The following ALPK2 variants were observed in gnomAD, a reference collection of about 807,000 sequenced individuals.
ALPK2 encodes alpha kinase 2.
Under a neutral mutation model 163.1 loss-of-function variants are expected in ALPK2, and 127 were observed. That is an observed-to-expected ratio of 0.78 (90% CI 0.67 to 0.90). The LOEUF (loss-of-function observed/expected upper bound fraction) is 0.90, where lower values mean the gene tolerates loss of function less well. Ranked by LOEUF, ALPK2 falls within the 40% of genes least tolerant of loss-of-function variation. The pLI, the probability that ALPK2 is intolerant of heterozygous loss-of-function variation, is 0.00. For synonymous variants in ALPK2, 953 were observed against 959.1 expected (o/e 0.99, Z 0.12); for missense variants, 2,360 against 2,589.6 (o/e 0.91, Z 1.92).
chr18:58,508,183 CCCTATTT>C (rs990995195), intron 10 of ALPK2, among the ~76,000 whole-genome samples: 1 of 152,142 alleles, frequency 6.6e-6, no homozygotes, highest in Non-Finnish European at 1.5e-5. Context: ...AATAAACAAT[CCCTATTT>C]CCTAGCCCCC....
intron 3 of ALPK2, among the ~76,000 whole-genome samples, chr18:58,596,989 T>G (rs1053203044): frequency 6.7e-6 from 1 of 149,900 alleles, no homozygotes; most frequent in Non-Finnish European, 1.5e-5. Flanking sequence ...CCAAGCTAAT[T>G]AAAAAAAAAC....
chr18:58,483,958 TGG>T (rs2051325280), intron 12 of ALPK2, among the ~76,000 whole-genome samples: 1 of 152,106 alleles, frequency 6.6e-6, no homozygotes, highest in East Asian at 1.9e-4. Context: ...CTCCTCTTTG[TGG>T]CACGGTCACA....
In ALPK2 at chr18:58,578,733, G is replaced by C. The variant is rs867212354; in HGVS notation, c.1962+81C>G. ...ATTGTGAATGTGAAGTAAAGGAAGAGACACACACACACACACACACACACA... is the reference window on the plus strand; with the variant it reads ...ATTGTGAATGTGAAGTAAAGGAAGACACACACACACACACACACACACACA... On this transcript the variant is annotated intron_variant, in intron 4 of 12. Coordinates refer to ENST00000361673, the MANE Select transcript of ALPK2 (RefSeq NM_052947.4). 5.1e-3 allele frequency: 2,713 copies of C among 533,316 alleles called. 62 individuals carry two copies. The highest frequency in any genetic ancestry group is 0.034 in the African/African-American group (1,512 of 44,976). 33.0% of individuals were successfully genotyped at this position (533,316 alleles called of 1,614,324 possible).
At chr18:58,568,542 T>C (rs548793785) in intron 4 of ALPK2, among the ~76,000 whole-genome samples, 2 of 152,266 alleles carry the variant, frequency 1.3e-5, no homozygotes, top group South Asian at 4.1e-4. Flanking sequence ...CTACCCTCGA[T>C]CTATTGAAAT....
intron 1 of ALPK2, among the ~76,000 whole-genome samples, chr18:58,624,748 C>T (rs984321086): frequency 2.6e-5 from 4 of 152,226 alleles, no homozygotes; most frequent in African/African-American, 7.2e-5. Context: ...AGCCACCAAG[C>T]CCAGCCAAGT....
intron 1 of ALPK2, among the ~76,000 whole-genome samples, chr18:58,612,867 C>T (rs772525474): frequency 4.6e-5 from 7 of 152,160 alleles, no homozygotes; most frequent in African/African-American, 9.7e-5. Context: ...CAATGGCAGG[C>T]GGTTCTCCCA....
rs546857157 is a variant in ALPK2 at position 58,626,894 on chromosome 18, AAGAC to A, written c.-21+1866_-21+1869del. ...TTCTAAAGTTTTAGCAAAAAAAAAA[AAGAC>A]AGAAGCTTTTAATTAAGGTGAAAAA... On this transcript the variant is annotated intron_variant, in intron 1 of 12. Transcript: ENST00000361673. 3.8e-3 allele frequency among the ~76,000 whole-genome samples: 573 copies of A among 152,138 alleles called. 4 individuals are homozygous for A. The highest frequency in any genetic ancestry group is 0.013 in the African/African-American group (545 of 41,544).
At chr18:58,542,501 T>C (rs1304320043) in intron 4 of ALPK2, among the ~76,000 whole-genome samples, 1 of 152,212 alleles carries the variant, frequency 6.6e-6, no homozygotes, top group Non-Finnish European at 1.5e-5. Context: ...ATGAATAGCC[T>C]AGGTCCAATC....
chr18:58,596,510 G>A (rs2052042141), intron 3 of ALPK2, among the ~76,000 whole-genome samples: 1 of 152,228 alleles, frequency 6.6e-6, no homozygotes, highest in South Asian at 2.1e-4. Context: ...GCAGGGAATG[G>A]GAAGTGACAA....
At chr18:58,548,458 T>A (rs2051731733) in intron 4 of ALPK2, among the ~76,000 whole-genome samples, 1 of 152,086 alleles carries the variant, frequency 6.6e-6, no homozygotes, top group Admixed American at 6.5e-5. Flanking sequence ...GTAGCTGGAC[T>A]TACAAGCGAG....
intron 11 of ALPK2, among the ~76,000 whole-genome samples, chr18:58,502,593 A>G (rs1362673155): frequency 2.0e-5 from 3 of 152,210 alleles, no homozygotes; most frequent in African/African-American, 7.2e-5. Flanking sequence ...TGAGATCCTC[A>G]TCTGGGACAA....
At chr18:58,488,138 G>A (rs913576112) in intron 12 of ALPK2, among the ~76,000 whole-genome samples, 13 of 152,004 alleles carry the variant, frequency 8.6e-5, no homozygotes, top group African/African-American at 3.1e-4. Context: ...ATTTGACTTT[G>A]GAAATGCCTT....
At chr18:58,621,420 C>T (rs544589064) in intron 1 of ALPK2, among the ~76,000 whole-genome samples, 2 of 152,050 alleles carry the variant, frequency 1.3e-5, no homozygotes, top group South Asian at 2.1e-4. Flanking sequence ...TACAGGCGCC[C>T]GCCACAATGC....
intron 11 of ALPK2, 91 bp downstream of exon 11, chr18:58,503,840 T>C (rs750501977): frequency 5.4e-5 from 67 of 1,243,930 alleles, no homozygotes; most frequent in Non-Finnish European, 5.8e-5. Context: ...CCAGCAGGCC[T>C]ATCCTTCCTC....
intron 12 of ALPK2, among the ~76,000 whole-genome samples, chr18:58,490,486 C>T (rs1472574231): frequency 7.2e-5 from 11 of 152,106 alleles, no homozygotes; most frequent in Admixed American, 7.2e-4. Flanking sequence ...TCCAGCCCCT[C>T]CCCTTGGTTC....
chr18:58,593,273 A>T (rs926883313), intron 3 of ALPK2, among the ~76,000 whole-genome samples: 23 of 152,236 alleles, frequency 1.5e-4, no homozygotes, highest in Non-Finnish European at 2.5e-4. Flanking sequence ...CTATTTAAAA[A>T]GAAAAAAAGG....
At chr18:58,528,816 C>G (rs867430444) in intron 6 of ALPK2, 9 of 415,712 alleles carry the variant, frequency 2.2e-5, no homozygotes, top group Middle Eastern at 1.4e-3. Flanking sequence ...TTGACATGTT[C>G]CTTCCCCTGA....
In ALPK2 at chr18:58,579,037, T is replaced by G. The variant is rs1357725941; in HGVS notation, c.1739A>C (p.Lys580Thr). Residue 580 changes from lysine (K) to threonine (T), a missense_variant, in exon 4 of 13, where the codon AAA becomes ACA. Lys to Thr is a moderately conservative substitution (Grantham distance 78). Coordinates refer to ENST00000361673, the MANE Select transcript of ALPK2 (RefSeq NM_052947.4). ...SAEPPLTQSD[K>T]RETSHTTAAA... ...TGCTGTGGTGTGAGAAGTCTCTCTT[T>G]TATCACTCTGGGTTAGTGGGGGCTC... The G allele has an allele frequency of 3.1e-6, 5 of 1,614,206 alleles. No individual in the cohort carries two copies. In the South Asian group the frequency reaches 5.5e-5, roughly 18 times the overall value.
In ALPK2 at chr18:58,579,513, A is replaced by G. The variant is rs995787141; in HGVS notation, c.1263T>C (p.Gly421=). Residue 421 remains glycine (G), a synonymous_variant, in exon 4 of 13, where the codon GGT becomes GGC. Coordinates refer to ENST00000361673, the MANE Select transcript of ALPK2 (RefSeq NM_052947.4). ...GVRSSRVSKH[G]PSSPQTGMTL... The stretch of plus-strand genomic sequence containing the variant: ...TCATCCCTGTTTGTGGGGATGAGGG[A>G]CCGTGCTTGGAGACTCTGCTGCTCC... 4.3e-6 allele frequency: 7 copies of G among 1,613,788 alleles called. No homozygotes were observed. The African/African-American group carries it at 9.4e-5, about 22-fold the overall frequency.
Sources: allele counts gnomAD v4.1 joint callset (sites outside exome capture counted in the v4.1 genomes callset), GRCh38; gene constraint gnomAD v4.1.1; transcripts MANE v1.5; gene names NCBI Gene and HGNC (gene_info 2026-07-23, HGNC 2026-07-21).